The following POLN variants were observed in gnomAD, a reference collection of about 807,000 sequenced individuals.
POLN encodes the protein DNA polymerase nu, also known as DNA polymerase N.
In POLN, 108 loss-of-function variants were observed where a neutral mutation model predicts 113.5. The ratio of observed to expected loss-of-function variants is 0.95; its 90% CI spans 0.81 to 1.12. The LOEUF is 1.12. POLN is among the 50% of genes most tolerant of loss of function. POLN has a pLI of 0.00. For missense variants in POLN, 1,097 were observed against 1,077.1 expected (o/e 1.02, Z -0.26); for synonymous variants, 386 against 391.5 (o/e 0.99, Z 0.17).
At chr4:2,176,790 C>T (rs552433841) in intron 8 of POLN, among the ~76,000 whole-genome samples, 3 of 152,256 alleles carry the variant, frequency 2.0e-5, no homozygotes, top group African/African-American at 7.2e-5. Context: ...GAGATGCACA[C>T]AGAGGCCCTG....
intron 3 of POLN, among the ~76,000 whole-genome samples, chr4:2,224,390 A>G (rs1734334220): frequency 6.6e-6 from 1 of 152,138 alleles, no homozygotes. Context: ...CTTTTTTTTC[A>G]TAAGAAGGAG....
In POLN at chr4:2,171,175, G is replaced by A. The variant is rs1320815114; in HGVS notation, c.1381C>T (p.Leu461Phe). 6.2e-7 allele frequency: 1 copy of A among 1,611,400 alleles called. No individual in the cohort carries two copies. The highest frequency in any genetic ancestry group is 8.5e-7 in the Non-Finnish European group (1 of 1,178,914). ...TGAGCTTCTTGCTCCAATTCCTTGA[G>A]ACGAGCCTGAAAATATGATACACAC... ...EKTSALLGAR[L>F]KELEQEAHFV... is the part of the protein sequence containing the mutation. The change falls in exon 12 of 26, where the codon CTC becomes TTC. Residue 461 changes from leucine to phenylalanine, a missense_variant. By Grantham distance (22) the Leu-to-Phe change is conservative (BLOSUM62 0). Coordinates refer to ENST00000511885, the MANE Select transcript of POLN (RefSeq NM_181808.4).
chr4:2,137,911 T>C (rs1731901186), intron 16 of POLN, among the ~76,000 whole-genome samples: 1 of 152,164 alleles, frequency 6.6e-6, no homozygotes, highest in African/African-American at 2.4e-5. Flanking sequence ...TGATCTTGGC[T>C]CACTGCAACC....
intron 19 of POLN, among the ~76,000 whole-genome samples, chr4:2,104,587 G>C (rs1012450898): frequency 6.6e-6 from 1 of 152,190 alleles, no homozygotes; most frequent in Admixed American, 6.5e-5. Flanking sequence ...ACCTCCCCCA[G>C]TAAACACAAC....
intron 5 of POLN, among the ~76,000 whole-genome samples, chr4:2,200,419 G>A (rs1405687099): frequency 6.6e-6 from 1 of 152,150 alleles, no homozygotes; most frequent in Non-Finnish European, 1.5e-5. Context: ...AATAAATCAG[G>A]AAAGCAGAAA....
At chr4:2,171,330 A>T in intron 11 of POLN, 149 bp from the exon 12 acceptor site, 1 of 556,778 alleles carries the variant, frequency 1.8e-6, no homozygotes, top group Non-Finnish European at 3.1e-6. Flanking sequence ...AGGCAGGAGG[A>T]TCACTTGAGA....
intron 13 of POLN, among the ~76,000 whole-genome samples, chr4:2,166,519 G>A (rs1236334805): frequency 1.3e-5 from 2 of 152,152 alleles, no homozygotes; most frequent in Non-Finnish European, 2.9e-5. Flanking sequence ...CATTATTTCC[G>A]GGTGTGTCTG....
chr4:2,188,212 A>G (rs1374286832), intron 7 of POLN, among the ~76,000 whole-genome samples: 1 of 152,196 alleles, frequency 6.6e-6, no homozygotes, highest in Non-Finnish European at 1.5e-5. Context: ...ACACGTGAAA[A>G]AGAGATAAAG....
At chr4:2,202,867 A>G (rs1733752065) in intron 5 of POLN, among the ~76,000 whole-genome samples, 2 of 152,158 alleles carry the variant, frequency 1.3e-5, no homozygotes, top group Non-Finnish European at 1.5e-5. Flanking sequence ...TAATAGACCT[A>G]AGAAATGAGG....
chr4:2,109,017 T>A (rs1166171460), intron 19 of POLN, among the ~76,000 whole-genome samples: 2 of 151,998 alleles, frequency 1.3e-5, no homozygotes, highest in African/African-American at 2.4e-5. Flanking sequence ...TTTGGAGGGT[T>A]TGTAGCGCTA....
intron 19 of POLN, among the ~76,000 whole-genome samples, chr4:2,099,766 G>A (rs572807134): frequency 2.0e-5 from 3 of 152,206 alleles, no homozygotes; most frequent in Non-Finnish European, 2.9e-5. Flanking sequence ...GGGAAGCAGG[G>A]GTGGGATATA....
chr4:2,139,026 C>T (rs763891493), intron 16 of POLN, among the ~76,000 whole-genome samples: 3 of 151,796 alleles, frequency 2.0e-5, no homozygotes, highest in African/African-American at 4.8e-5. Flanking sequence ...TGGAAGCTGC[C>T]GGGAAAGGAG....
intron 23 of POLN, among the ~76,000 whole-genome samples, chr4:2,077,966 G>C (rs1466705640): frequency 6.6e-6 from 1 of 152,250 alleles, no homozygotes; most frequent in Non-Finnish European, 1.5e-5. Flanking sequence ...GTCGGCCACA[G>C]AGCTGCTGTG....
At chr4:2,206,006 T>C (rs1733834320) in intron 5 of POLN, among the ~76,000 whole-genome samples, 1 of 151,962 alleles carries the variant, frequency 6.6e-6, no homozygotes, top group Admixed American at 6.6e-5. Flanking sequence ...AACTATACTA[T>C]AAGGCCATTG....
intron 19 of POLN, among the ~76,000 whole-genome samples, chr4:2,115,228 A>ATAT (rs72052264): frequency 0.032 from 4,129 of 129,882 alleles, 97 homozygotes; most frequent in East Asian, 0.073. Context: ...ATATATATAT[A>ATAT]TTTTTTTTTT....
At position 2,083,912 on chromosome 4, in the gene POLN, C is replaced by A. The variant is rs901654870; in HGVS notation, c.2197+1701G>T. ...GACATGTTTACAAAATGTAGAAGGA[C>A]GTGAGCACATTGCAGGGCCTCTCCC... On this transcript the variant is annotated intron_variant, in intron 21 of 25. Coordinates refer to ENST00000511885, the MANE Select transcript of POLN (RefSeq NM_181808.4). 7.2e-5 allele frequency among the ~76,000 whole-genome samples: 11 copies of A among 152,320 alleles called. 3 individuals carry two copies. Among genetic ancestry groups the A allele is most frequent in the Admixed American group, 6.5e-5 (1 of 15,298 alleles).
At chr4:2,080,005 AC>A (rs1730365759) in intron 23 of POLN, 14 of 984,332 alleles carry the variant, frequency 1.4e-5, no homozygotes, top group Non-Finnish European at 1.7e-5. Flanking sequence ...CAGTGCTTAG[AC>A]CCCCACGGGA....
intron 19 of POLN, among the ~76,000 whole-genome samples, chr4:2,117,719 T>C (rs1258450361): frequency 6.6e-6 from 1 of 152,218 alleles, no homozygotes; most frequent in African/African-American, 2.4e-5. Flanking sequence ...TTCTCTAGGC[T>C]TGGGCAAAGG....
chr4:2,159,554 G>C (rs1373677028), intron 13 of POLN, among the ~76,000 whole-genome samples: 2 of 152,184 alleles, frequency 1.3e-5, no homozygotes, highest in Non-Finnish European at 2.9e-5. Flanking sequence ...AGGGAGTAAT[G>C]GATTACGAGT....
Sources: gnomAD v4.1 joint callset for allele counts (sites outside exome capture counted in the v4.1 genomes callset) on GRCh38, gnomAD v4.1.1 for gene constraint, MANE v1.5 for transcripts, NCBI Gene and HGNC (gene_info 2026-07-23, HGNC 2026-07-21) for gene names.